The following GALNTL6 variants were observed in gnomAD, a reference collection of about 807,000 sequenced individuals.
The protein encoded by GALNTL6 is polypeptide N-acetylgalactosaminyltransferase-like 6.
Under a neutral mutation model 73.7 loss-of-function variants are expected in GALNTL6, and 46 were observed. That is an observed-to-expected ratio of 0.62 (90% CI 0.49 to 0.80). GALNTL6 has a LOEUF of 0.80. Ranked by LOEUF, GALNTL6 falls within the 30% of genes least tolerant of loss-of-function variation. The pLI, the probability that GALNTL6 is intolerant of heterozygous loss-of-function variation, is 0.00. For missense variants in GALNTL6, 604 were observed against 755.0 expected, an observed-to-expected ratio of 0.80 and a Z score of 2.34; for synonymous variants, 259 against 263.7, an observed-to-expected ratio of 0.98 and a Z score of 0.17.
intron 5 of GALNTL6, among the ~76,000 whole-genome samples, chr4:172,517,935 G>A (rs1025391863): frequency 6.6e-6 from 1 of 151,992 alleles, no homozygotes; most frequent in African/African-American, 2.4e-5. Context: ...AATATAGCAA[G>A]TTCTGGTTGA....
intron 2 of GALNTL6, among the ~76,000 whole-genome samples, chr4:172,112,833 T>C (rs1336318870): frequency 6.6e-6 from 1 of 151,888 alleles, no homozygotes; most frequent in Non-Finnish European, 1.5e-5. Flanking sequence ...TTCCTTACCC[T>C]TTTAACCATA....
At chr4:172,384,934 A>T (rs1579020625) in intron 5 of GALNTL6, among the ~76,000 whole-genome samples, 1 of 141,352 alleles carries the variant, frequency 7.1e-6, no homozygotes, top group South Asian at 2.2e-4. Context: ...TTGGGTTTTT[A>T]CTTTCATTCA....
intron 5 of GALNTL6, among the ~76,000 whole-genome samples, chr4:172,704,680 A>G (rs1157549272): frequency 2.0e-5 from 3 of 152,016 alleles, no homozygotes; most frequent in Non-Finnish European, 4.4e-5. Context: ...AGCTGGATGA[A>G]ATGTTCTTTA....
At chr4:172,877,691 T>G (rs1745261190) in intron 7 of GALNTL6, among the ~76,000 whole-genome samples, 1 of 151,688 alleles carries the variant, frequency 6.6e-6, no homozygotes, top group Non-Finnish European at 1.5e-5. Flanking sequence ...TTGATTTCCA[T>G]TAAATATTCA....
chr4:172,072,462 A>C (rs1731573046), intron 2 of GALNTL6, among the ~76,000 whole-genome samples: 1 of 151,584 alleles, frequency 6.6e-6, no homozygotes, highest in Non-Finnish European at 1.5e-5. Context: ...AGCTTCAAAT[A>C]ACGCCTCACC....
intron 5 of GALNTL6, among the ~76,000 whole-genome samples, chr4:172,484,732 T>G (rs1733611199): frequency 6.6e-6 from 1 of 152,140 alleles, no homozygotes; most frequent in South Asian, 2.1e-4. Context: ...ATATGTTAGT[T>G]CCTTATAAAA....
At chr4:172,299,182 T>C (rs985770754) in intron 3 of GALNTL6, among the ~76,000 whole-genome samples, 2 of 152,172 alleles carry the variant, frequency 1.3e-5, no homozygotes, top group Non-Finnish European at 2.9e-5. Context: ...TCTCTGATGG[T>C]AGTTTGTATT....
At chr4:172,044,628 G>T (rs1214058655) in intron 2 of GALNTL6, among the ~76,000 whole-genome samples, 1 of 151,958 alleles carries the variant, frequency 6.6e-6, no homozygotes, top group Non-Finnish European at 1.5e-5. Context: ...TAAATGCTGA[G>T]AAGTGTCACA....
At chr4:172,386,743 G>T (rs908170112) in intron 5 of GALNTL6, among the ~76,000 whole-genome samples, 1 of 152,052 alleles carries the variant, frequency 6.6e-6, no homozygotes, top group South Asian at 2.1e-4. Flanking sequence ...CAGGAGAAGG[G>T]TGTCCCATTT....
chr4:172,720,561 T>C (rs1392253043), intron 5 of GALNTL6, among the ~76,000 whole-genome samples: 2 of 152,192 alleles, frequency 1.3e-5, no homozygotes, highest in African/African-American at 2.4e-5. Flanking sequence ...GACACAAATA[T>C]GCAGAATTTG....
intron 2 of GALNTL6, among the ~76,000 whole-genome samples, chr4:172,176,196 C>T (rs558443807): frequency 1.8e-3 from 275 of 151,460 alleles, no homozygotes; most frequent in African/African-American, 6.0e-3. Flanking sequence ...AAAAATTAGC[C>T]GGGCGAGGTG....
At chr4:172,227,255 G>A (rs1014547540) in intron 2 of GALNTL6, among the ~76,000 whole-genome samples, 12 of 152,220 alleles carry the variant, frequency 7.9e-5, no homozygotes, top group Non-Finnish European at 1.5e-4. Flanking sequence ...ATGTAAGGAT[G>A]TAAGCTGTGG....
chr4:172,446,864 T>A (rs1445010144), intron 5 of GALNTL6, among the ~76,000 whole-genome samples: 2 of 152,172 alleles, frequency 1.3e-5, no homozygotes, highest in Non-Finnish European at 2.9e-5. Context: ...CTGTGGATGA[T>A]ATACTCTGTG....
chr4:172,498,777 A>T lies in GALNTL6; in HGVS notation c.553+150088A>T, dbSNP rs181115568. ...ATGATCAACTCGATGTATGATGAAC[A>T]GGTTTTCAAGGCTATATGCCTCAAA... On this transcript the variant is annotated intron_variant, in intron 5 of 12. Transcript: ENST00000506823. Among the ~76,000 whole-genome samples, 61 of 152,322 alleles carry T rather than the reference A, an allele frequency of 4.0e-4. No homozygotes were observed. In the Middle Eastern group the frequency reaches 0.01, roughly 25 times the overall value.
At chr4:172,397,926 A>G (rs2111317519) in intron 5 of GALNTL6, among the ~76,000 whole-genome samples, 1 of 152,222 alleles carries the variant, frequency 6.6e-6, no homozygotes, top group Middle Eastern at 3.4e-3. Flanking sequence ...CCAGTATAGT[A>G]CAAGCTAAAA....
At chr4:172,609,352 T>A (rs1243217550) in intron 5 of GALNTL6, among the ~76,000 whole-genome samples, 1 of 152,068 alleles carries the variant, frequency 6.6e-6, no homozygotes, top group Non-Finnish European at 1.5e-5. Context: ...TTTAGACATG[T>A]AGTATGTTGA....
chr4:172,262,820 G>C (rs768899061), intron 3 of GALNTL6, among the ~76,000 whole-genome samples: 1 of 151,406 alleles, frequency 6.6e-6, no homozygotes, highest in Non-Finnish European at 1.5e-5. Context: ...CTTAGTAGTG[G>C]CAAATTTTCT....
intron 2 of GALNTL6, among the ~76,000 whole-genome samples, chr4:172,135,511 G>T (rs1170360018): frequency 6.6e-6 from 1 of 152,080 alleles, no homozygotes; most frequent in Non-Finnish European, 1.5e-5. Context: ...TTGAGAATTA[G>T]TAGAATTCTC....
At chr4:172,825,057 T>TTTTC (rs1188672171) in intron 7 of GALNTL6, among the ~76,000 whole-genome samples, 1 of 10,542 alleles carries the variant, frequency 9.5e-5, no homozygotes, top group Non-Finnish European at 1.1e-3. Context: ...TTCTTTTTTC[T>TTTTC]TTTTTTTTTT....
Sources: gnomAD v4.1 joint callset for allele counts (sites outside exome capture counted in the v4.1 genomes callset) on GRCh38, gnomAD v4.1.1 for gene constraint, MANE v1.5 for transcripts, NCBI Gene and HGNC (gene_info 2026-07-23, HGNC 2026-07-21) for gene names.